Variants in STAU1 observed in about 807,000 individuals in gnomAD.
STAU1 encodes double-stranded RNA-binding protein Staufen homolog 1.
STAU1 carries 13 observed loss-of-function variants against 62.9 expected under a neutral mutation model. The observed-to-expected ratio is 0.21, with a 90% CI of 0.13 to 0.33. STAU1 has a LOEUF of 0.33. STAU1 is among the 10% of genes least tolerant of loss of function. STAU1 has a pLI of 1.00. For missense variants in STAU1, 571 were observed against 712.1 expected (o/e 0.80, Z 2.25); for synonymous variants, 269 against 265.1 (o/e 1.01, Z -0.14).
chr20:49,123,871 T>C (rs1477560469), intron 7 of STAU1, among the ~76,000 whole-genome samples: 1 of 152,220 alleles, frequency 6.6e-6, no homozygotes, highest in Non-Finnish European at 1.5e-5. Flanking sequence ...CCCATGGAAT[T>C]ATGTCCCCTT....
At chr20:49,144,453 A>G (rs1882008655) in intron 5 of STAU1, among the ~76,000 whole-genome samples, 1 of 152,210 alleles carries the variant, frequency 6.6e-6, no homozygotes, top group South Asian at 2.1e-4. Context: ...AAATTCATCT[A>G]TGCTAGCATC....
At chr20:49,153,251 G>GGAAAAAAAAAAA (rs1379385445) in intron 4 of STAU1, among the ~76,000 whole-genome samples, 22 of 99,068 alleles carry the variant, frequency 2.2e-4, no homozygotes, top group African/African-American at 8.7e-4. Context: ...CTCCGTCTCA[G>GGAAAAAAAAAAA]AAAAAAAAAA....
rs199920344 is a variant in STAU1 at position 49,123,258 on chromosome 20, A to G, written c.823-23T>C. 833 of 1,614,050 alleles carry G rather than the reference A, an allele frequency of 5.2e-4. 8 individuals are homozygous for G. The South Asian group carries it at 7.9e-3, about 15-fold the overall frequency. Reference sequence around the variant, plus strand: ...TGGCTGAGGAACAAACAAGGCAGAAACTCTGTAATGTTATTCACCGCATGA... The same window carrying G: ...TGGCTGAGGAACAAACAAGGCAGAAGCTCTGTAATGTTATTCACCGCATGA... On this transcript the variant is annotated intron_variant, in intron 7 of 13. Transcript: ENST00000371856.
chr20:49,151,867 A>G, intron 4 of STAU1, 120 bp from the exon 5 acceptor site: 2 of 832,882 alleles, frequency 2.4e-6, no homozygotes, highest in Non-Finnish European at 1.8e-6. Flanking sequence ...GTTTGATGCT[A>G]ATCACTCTTC....
At chr20:49,137,446 C>T (rs1169989427) in intron 5 of STAU1, among the ~76,000 whole-genome samples, 1 of 152,116 alleles carries the variant, frequency 6.6e-6, no homozygotes, top group Non-Finnish European at 1.5e-5. Context: ...ACTAGATAAG[C>T]TCAAAGCTTA....
At chr20:49,192,748 C>G (rs761405959), upstream of STAU1, among the ~76,000 whole-genome samples, 1 of 152,110 alleles carries the variant, frequency 6.6e-6, no homozygotes, top group East Asian at 1.9e-4. Flanking sequence ...CTGCAGTGAG[C>G]TGTGATTGCA....
chr20:49,135,803 T>TA (rs763321536), intron 6 of STAU1, 30 bp downstream of exon 6: 1 of 1,546,568 alleles, frequency 6.5e-7, no homozygotes, highest in East Asian at 2.2e-5. Flanking sequence ...GATTTTAGAA[T>TA]ACAAAGTCCT....
intron 5 of STAU1, among the ~76,000 whole-genome samples, chr20:49,140,395 T>TA (rs2092983410): frequency 6.6e-6 from 1 of 151,922 alleles, no homozygotes; most frequent in South Asian, 2.1e-4. Context: ...AGCCAGAAGG[T>TA]AAAAACAACC....
Position 49,124,461 on chromosome 20 carries a change from G to A in STAU1, c.736C>T (p.Leu246Phe), listed in dbSNP as rs773028599. ...GGCGGTAACTTCTTCAGCTCCTCAA[G>A]AACAGCTATGGCGGCATTTTTCTTT... ...ISKKNAAIAV[L>F]EELKKLPPLP... Residue 246 changes from leucine (L) to phenylalanine (F), a missense_variant, in exon 7 of 14, where the codon CTT (leucine) becomes TTT (phenylalanine). Physicochemically the swap from Leu to Phe is conservative, Grantham distance 22. Around this residue, in one of 3 missense-constraint regions of STAU1, gnomAD observed 414 missense variants for 499.6 expected, o/e 0.83. Coordinates refer to ENST00000371856, the MANE Select transcript of STAU1 (RefSeq NM_017453.4). The A allele has an allele frequency of 6.2e-7, 1 of 1,614,146 alleles. No individual in the cohort carries two copies. Among genetic ancestry groups the A allele is most frequent in the Non-Finnish European group, 8.5e-7 (1 of 1,180,032 alleles).
intron 1 of STAU1, among the ~76,000 whole-genome samples, chr20:49,182,479 G>C (rs2093736747): frequency 6.6e-6 from 1 of 152,170 alleles, no homozygotes; most frequent in African/African-American, 2.4e-5. Flanking sequence ...TAGCAGGTGA[G>C]AACAATGGAT....
chr20:49,119,160 C>G (rs1214445120), intron 9 of STAU1, among the ~76,000 whole-genome samples: 1 of 152,186 alleles, frequency 6.6e-6, no homozygotes, highest in South Asian at 2.1e-4. Flanking sequence ...CTGCTTACCA[C>G]TTCTGGCAGA....
the STAU1 span, among the ~76,000 whole-genome samples, chr20:49,193,917 A>G: frequency 6.6e-6 from 1 of 151,648 alleles, no homozygotes; most frequent in African/African-American, 2.4e-5. Flanking sequence ...TGCAGTGAGC[A>G]GAGATCGCCA....
intron 5 of STAU1, among the ~76,000 whole-genome samples, chr20:49,139,512 G>A (rs1207230961): frequency 1.3e-5 from 2 of 152,112 alleles, no homozygotes; most frequent in Non-Finnish European, 2.9e-5. Context: ...GTCACCTGAG[G>A]TCAGAGGTTC....
In STAU1 at chr20:49,151,563, C is replaced by A. The variant is rs1233732818; in HGVS notation, c.510+19G>T. On this transcript the variant is annotated intron_variant, in intron 5 of 13. Transcript: ENST00000371856. ...CCTACCCTGTCGAAGCGTCAGGGAGCCTGGGCTCAACTCCTCACCTCCAGC... is the reference window on the plus strand; with the variant it reads ...CCTACCCTGTCGAAGCGTCAGGGAGACTGGGCTCAACTCCTCACCTCCAGC... 1 of 1,574,042 alleles carries A rather than the reference C, an allele frequency of 6.4e-7. No homozygotes were observed. Among genetic ancestry groups the A allele is most frequent in the African/African-American group, 1.4e-5 (1 of 72,806 alleles).
chr20:49,213,388 C>T, the STAU1 span, among the ~76,000 whole-genome samples: 1 of 151,992 alleles, frequency 6.6e-6, no homozygotes, highest in Non-Finnish European at 1.5e-5. Context: ...GGGCCACCAA[C>T]CCGGCTAATT....
the STAU1 span, among the ~76,000 whole-genome samples, chr20:49,198,237 C>A: frequency 1.3e-5 from 2 of 152,042 alleles, no homozygotes; most frequent in Non-Finnish European, 1.5e-5. Context: ...AAAAATAGGC[C>A]GGGCGCGGTG....
chr20:49,146,471 C>CT (rs2093134709), intron 5 of STAU1, among the ~76,000 whole-genome samples: 1 of 151,994 alleles, frequency 6.6e-6, no homozygotes, highest in Non-Finnish European at 1.5e-5. Context: ...GGAGGCCAAG[C>CT]TGGGCAGATC....
chr20:49,137,934 C>T (rs966888323), intron 5 of STAU1, among the ~76,000 whole-genome samples: 2 of 150,160 alleles, frequency 1.3e-5, no homozygotes, highest in South Asian at 2.1e-4. Context: ...CCCACCTTGG[C>T]CTCCTGAAGT....
chr20:49,159,114 T>C (rs1173017255), intron 3 of STAU1: 4 of 1,119,808 alleles, frequency 3.6e-6, no homozygotes, highest in Non-Finnish European at 4.5e-6. Context: ...ATCTTGGTGA[T>C]TGTCTCATGG....
Sources: allele counts gnomAD v4.1 joint callset (sites outside exome capture counted in the v4.1 genomes callset), GRCh38; gene constraint gnomAD v4.1.1; regional missense constraint gnomAD v4.1.1; transcripts MANE v1.5; gene names NCBI Gene and HGNC (gene_info 2026-07-23, HGNC 2026-07-21).